The following GSX1 variants were observed in gnomAD, a reference collection of about 807,000 sequenced individuals.
GSX1 encodes GS homeobox 1, also known as GS homeo box protein 1.
In GSX1, 13 loss-of-function variants were observed where a neutral mutation model predicts 17.7. That is an observed-to-expected ratio of 0.74 (90% CI 0.48 to 1.17). The LOEUF (loss-of-function observed/expected upper bound fraction) is 1.17. Ranked by LOEUF, GSX1 falls within the 50% of genes most tolerant of loss-of-function variation. The pLI is 0.00. For synonymous variants in GSX1, 202 were observed against 176.2 expected (o/e 1.15, Z -1.16); for missense variants, 371 against 372.1 (o/e 1.00, Z 0.02).
In GSX1 at chr13:27,793,379, T is replaced by C. The variant is rs550480520; in HGVS notation, c.413-187T>C. 1.3e-5 allele frequency among the ~76,000 whole-genome samples: 2 copies of C among 152,188 alleles called. No individual in the cohort carries two copies. The highest frequency in any genetic ancestry group is 2.1e-4 in the South Asian group (1 of 4,818). ...AAGGGGAAGGGGTTCCAGGGCTGCA[T>C]GACTCCGGGAGAATCAGGATCTCGG... On this transcript the variant is annotated intron_variant, in intron 1 of 1. Transcript: ENST00000302945. The surrounding 1 kb of genome is among the most constrained non-coding windows in gnomAD (Gnocchi z 6.2).
At position 27,792,722 on chromosome 13, in the gene GSX1, T is replaced by C. The variant is rs1324282163; in HGVS notation, c.32T>C (p.Val11Ala). MPRSFLVDSLVLREAGEKKAP... is the reference protein window; with the variant it reads MPRSFLVDSLALREAGEKKAP... ...CGCTCCTTCCTGGTGGACTCGCTAG[T>C]GCTGCGCGAGGCGGGCGAGAAGAAG... The change falls in exon 1 of 2, where the codon GTG becomes GCG. Residue 11 changes from valine to alanine, a missense_variant. Physicochemically the swap from Val to Ala is moderately conservative, Grantham distance 64 (BLOSUM62 0). Transcript: ENST00000302945. 5 of 1,474,702 alleles carry C rather than the reference T, an allele frequency of 3.4e-6. No homozygotes were observed. The highest frequency in any genetic ancestry group is 2.9e-5 in the East Asian group (1 of 34,726). 91.4% of individuals were successfully genotyped at this position (1,474,702 alleles called of 1,614,324 possible).
At position 27,793,527 on chromosome 13, in the gene GSX1, G is replaced by C. The variant is rs1565998175; in HGVS notation, c.413-39G>C. The C allele has an allele frequency of 6.4e-7, 1 of 1,574,594 alleles. No homozygotes were observed. The highest frequency in any genetic ancestry group is 8.6e-7 in the Non-Finnish European group (1 of 1,163,824). On this transcript the variant is annotated intron_variant, in intron 1 of 1. Transcript: ENST00000302945. The surrounding 1 kb of genome is among the most constrained non-coding windows in gnomAD (Gnocchi z 6.2). ...ACCAAGGGATTGGGTCCACAGCACA[G>C]AGGTCTGATCGCTTCCTTCTCTGCT...
rs887309732 is a variant in GSX1, at chr13:27,794,016, G to A, written c.*68G>A. On this transcript the variant is annotated 3_prime_UTR_variant, in exon 2 of 2. Transcript: ENST00000302945. ...CCTCGGAGACTAGTCCTGGGACTCA[G>A]CGCTGATTCCCAGGCACCCGCAGCC... 6.7e-7 allele frequency: 1 copy of A among 1,483,438 alleles called. No homozygotes were observed. The highest frequency in any genetic ancestry group is 1.4e-5 in the South Asian group (1 of 73,732). 91.9% of individuals were successfully genotyped at this position (1,483,438 alleles called of 1,614,324 possible). A position where few individuals can be genotyped will look rare whatever the true frequency, so the allele number is the denominator to read the frequency against.
At position 27,792,752 on chromosome 13, in the gene GSX1, C is replaced by G; in HGVS notation, c.62C>G (p.Pro21Arg). 6.7e-7 allele frequency: 1 copy of G among 1,485,852 alleles called. No homozygotes were observed. The allele number at this position is 1,485,852 out of a possible 1,614,324, so 92.0% of individuals were successfully genotyped here. The change falls in exon 1 of 2, where the codon CCC becomes CGC. Residue 21 changes from proline to arginine, a missense_variant. Physicochemically the swap from Pro to Arg is moderately radical, Grantham distance 103. This residue lies in a region of GSX1 where 212 missense variants were observed against 193.9 expected (regional missense o/e 1.09). Transcript: ENST00000302945. ...CGCGAGGCGGGCGAGAAGAAGGCGC[C>G]CGAGGGCAGCCCGCCGCCGCTCTTC... is the stretch of plus-strand genomic sequence containing the variant. ...VLREAGEKKAPEGSPPPLFPY... is the reference protein window; with the variant it reads ...VLREAGEKKAREGSPPPLFPY...
rs1322771198 is a variant in GSX1, at chr13:27,793,857, C to T, written c.704C>T (p.Ser235Phe). Residue 235 changes from serine to phenylalanine, a missense_variant, in exon 2 of 2, where the codon TCC becomes TTC. Physicochemically the swap from Ser to Phe is radical, Grantham distance 155 (BLOSUM62 -2). Around this residue, in one of 3 missense-constraint regions of GSX1, gnomAD observed 92 missense variants for 70.0 expected, o/e 1.31. Transcript: ENST00000302945. The surrounding 1 kb of genome is among the most constrained non-coding windows in gnomAD (Gnocchi z 6.2). ...CAAGGCTGCAAGTGCGCATCGCTCT[C>T]CTCAGCCAAGTGCTCCGAGGATGAC... ...APQGCKCASL[S>F]SAKCSEDDDE... The T allele has an allele frequency of 6.2e-7, 1 of 1,608,352 alleles. No homozygotes were observed. Among genetic ancestry groups the T allele is most frequent in the Admixed American group, 1.7e-5 (1 of 59,716 alleles).
chr13:27,792,967 G>A lies in GSX1; in HGVS notation c.277G>A (p.Ala93Thr), dbSNP rs576086958. The change falls in exon 1 of 2, where the codon GCG becomes ACG. Residue 93 changes from alanine (A) to threonine (T), a missense_variant. Coordinates refer to ENST00000302945, the MANE Select transcript of GSX1 (RefSeq NM_145657.3). ...FPPFGSQYCH[A>T]PLGRQHSAVS... ...ACCCTTCGGCTCGCAGTACTGCCAC[G>A]CGCCCCTGGGCCGCCAGCACTCTGC... 6.5e-7 allele frequency: 1 copy of A among 1,547,550 alleles called. No individual in the cohort carries two copies. Among genetic ancestry groups the A allele is most frequent in the South Asian group, 1.2e-5 (1 of 85,196 alleles).
chr13:27,792,966 C>T lies in GSX1; in HGVS notation c.276C>T (p.His92=). The change falls in exon 1 of 2, where the codon CAC becomes CAT. Residue 92 remains histidine, a synonymous_variant. Transcript: ENST00000302945. ...SFPPFGSQYC[H]APLGRQHSAV... ...CACCCTTCGGCTCGCAGTACTGCCA[C>T]GCGCCCCTGGGCCGCCAGCACTCTG... 6.5e-7 allele frequency: 1 copy of T among 1,547,438 alleles called. No homozygotes were observed.
Position 27,792,538 on chromosome 13 carries a change from G to C in GSX1, c.-153G>C, listed in dbSNP as rs894167807. On this transcript the variant is annotated 5_prime_UTR_variant, in exon 1 of 2. Transcript: ENST00000302945. ...TTTGGGCGGTGCCCACGGCAGCAGA[G>C]GCTACTGTTTCAGCCTAGGTCTCAG... The C allele has an allele frequency of 1.6e-6, 1 of 641,578 alleles. No homozygotes were observed. The highest frequency in any genetic ancestry group is 2.3e-6 in the Non-Finnish European group (1 of 426,242). The allele number at this position is 641,578 out of a possible 1,614,324, so 39.7% of individuals were successfully genotyped here. A position where few individuals can be genotyped will look rare whatever the true frequency, so the allele number is the denominator to read the frequency against.
In GSX1 at chr13:27,792,600, G is replaced by A; in HGVS notation, c.-91G>A. On this transcript the variant is annotated 5_prime_UTR_variant, in exon 1 of 2. Coordinates refer to ENST00000302945, the MANE Select transcript of GSX1 (RefSeq NM_145657.3). ...GCCTCCTGGGCAGAGGCAGCTGCGG[G>A]ATACCGCGGCCAGGGAAAGCGCGTG... The A allele has an allele frequency of 9.0e-7, 1 of 1,113,750 alleles. No homozygotes were observed. The highest frequency in any genetic ancestry group is 3.3e-5 in the East Asian group (1 of 30,572). 69.0% of individuals were successfully genotyped at this position (1,113,750 alleles called of 1,614,324 possible).
Position 27,792,945 on chromosome 13 carries a change from C to T in GSX1, c.255C>T (p.Pro85=), listed in dbSNP as rs978043167. ...CTCTACTCAAGGCTTCCTTCCCACC[C>T]TTCGGCTCGCAGTACTGCCACGCGC... The part of the protein sequence containing the change: ...ALPLLKASFP[P]FGSQYCHAPL... The change falls in exon 1 of 2, where the codon CCC becomes CCT. Residue 85 remains proline (P), a synonymous_variant. Coordinates refer to ENST00000302945, the MANE Select transcript of GSX1 (RefSeq NM_145657.3). 6.5e-7 allele frequency: 1 copy of T among 1,537,476 alleles called. No homozygotes were observed. The highest frequency in any genetic ancestry group is 8.7e-7 in the Non-Finnish European group (1 of 1,146,968).
Position 27,794,277 on chromosome 13 carries a change from T to G in GSX1, c.*329T>G. ...CGCCTTGCTGGCAGCCGGCGCCTCC[T>G]AGCCCGCCCTCTCTGGGCTGGCTTG... On this transcript the variant is annotated 3_prime_UTR_variant, in exon 2 of 2. Transcript: ENST00000302945. The G allele has an allele frequency of 3.9e-6, 1 of 254,876 alleles. No homozygotes were observed. Among genetic ancestry groups the G allele is most frequent in the East Asian group, 7.4e-5 (1 of 13,468 alleles). The allele number at this position is 254,876 out of a possible 1,614,324, so 15.8% of individuals were successfully genotyped here.
rs536858525 is a variant in GSX1 at position 27,794,647 on chromosome 13, C to T, written c.*699C>T. On this transcript the variant is annotated 3_prime_UTR_variant, in exon 2 of 2. Transcript: ENST00000302945. ...ACAGATTTGCTCTGTTTCCAACACG[C>T]TCTTCCTTCCTCTAAACATAGGACC... The T allele has an allele frequency of 1.3e-5, 2 of 152,118 alleles. No homozygotes were observed. Among genetic ancestry groups the T allele is most frequent in the African/African-American group, 4.8e-5 (2 of 41,422 alleles). 9.4% of individuals were successfully genotyped at this position (152,118 alleles called of 1,614,324 possible). A position where few individuals can be genotyped will look rare whatever the true frequency, so the allele number is the denominator to read the frequency against.
chr13:27,794,267 C>G lies in GSX1; in HGVS notation c.*319C>G, dbSNP rs911179611. 7 of 277,980 alleles carry G rather than the reference C, an allele frequency of 2.5e-5. No homozygotes were observed. Among genetic ancestry groups the G allele is most frequent in the African/African-American group, 6.6e-5 (3 of 45,508 alleles). The allele number at this position is 277,980 out of a possible 1,614,324, so 17.2% of individuals were successfully genotyped here. On this transcript the variant is annotated 3_prime_UTR_variant, in exon 2 of 2. Transcript: ENST00000302945. ...CTTGGCGCAGCGCCTTGCTGGCAGC[C>G]GGCGCCTCCTAGCCCGCCCTCTCTG... is the stretch of plus-strand genomic sequence containing the variant.
At position 27,793,130 on chromosome 13, in the gene GSX1, CG is replaced by C; in HGVS notation, c.412+31del. 9 of 1,488,794 alleles carry C rather than the reference CG, an allele frequency of 6.0e-6. No homozygotes were observed. Among genetic ancestry groups the C allele is most frequent in the Non-Finnish European group, 7.1e-6 (8 of 1,125,872 alleles). The allele number at this position is 1,488,794 out of a possible 1,614,324, so 92.2% of individuals were successfully genotyped here. ...AAGCGGGGCCGCCGCGCAGAGGGACCGGGCAGAGGTGATCCGAAGCAGGATG... is the reference window on the plus strand; with the variant it reads ...AAGCGGGGCCGCCGCGCAGAGGGACCGGCAGAGGTGATCCGAAGCAGGATG... On this transcript the variant is annotated intron_variant, in intron 1 of 1. Transcript: ENST00000302945. This position sits in a 1 kb window ranked among gnomAD's most constrained non-coding sequence, Gnocchi z 6.2.
chr13:27,794,189 G>T lies in GSX1; in HGVS notation c.*241G>T. 1.9e-6 allele frequency: 1 copy of T among 513,980 alleles called. No individual in the cohort carries two copies. Among genetic ancestry groups the T allele is most frequent in the Non-Finnish European group, 3.4e-6 (1 of 293,676 alleles). The allele number at this position is 513,980 out of a possible 1,614,324, so 31.8% of individuals were successfully genotyped here. A position where few individuals can be genotyped will look rare whatever the true frequency, so the allele number is the denominator to read the frequency against. The stretch of plus-strand genomic sequence containing the variant: ...CAACTCCAAGCTGTGAACACTGTAA[G>T]CGCTCGAGTCCTCCTGGGCAGTGCA... On this transcript the variant is annotated 3_prime_UTR_variant, in exon 2 of 2. Coordinates refer to ENST00000302945, the MANE Select transcript of GSX1 (RefSeq NM_145657.3).
chr13:27,792,980 G>T lies in GSX1; in HGVS notation c.290G>T (p.Arg97Leu). 6.4e-7 allele frequency: 1 copy of T among 1,557,104 alleles called. No individual in the cohort carries two copies. Among genetic ancestry groups the T allele is most frequent in the Non-Finnish European group, 8.6e-7 (1 of 1,158,822 alleles). ...CAGTACTGCCACGCGCCCCTGGGCC[G>T]CCAGCACTCTGCTGTGTCGCCCGGG... ...GSQYCHAPLG[R>L]QHSAVSPGVA... The change falls in exon 1 of 2, where the codon CGC (arginine) becomes CTC (leucine). Residue 97 changes from arginine (R) to leucine (L), a missense_variant. Arg to Leu is a moderately radical substitution (Grantham distance 102). This residue lies in a region of GSX1 where 212 missense variants were observed against 193.9 expected (regional missense o/e 1.09). Transcript: ENST00000302945.
Position 27,792,658 on chromosome 13 carries a change from G to T in GSX1, c.-33G>T. 7.4e-7 allele frequency: 1 copy of T among 1,347,536 alleles called. No homozygotes were observed. The highest frequency in any genetic ancestry group is 3.1e-5 in the East Asian group (1 of 32,084). 83.5% of individuals were successfully genotyped at this position (1,347,536 alleles called of 1,614,324 possible). On this transcript the variant is annotated 5_prime_UTR_variant, in exon 1 of 2. Transcript: ENST00000302945. ...GAAAGGTGCGGTGGGCGCAGAGGGC[G>T]GGCTGGCTGCGGGGCGACCGCGCGC...
In GSX1 at chr13:27,792,804, G is replaced by A. The variant is rs571843674; in HGVS notation, c.114G>A (p.Ala38=). Residue 38 remains alanine, a synonymous_variant, in exon 1 of 2, where the codon GCG becomes GCA. Transcript: ENST00000302945. ...CCTACGCTGTGCCCCCGCCGCACGC[G>A]CTGCACGGTCTCTCGCCTGGCGCCT... ...LFPYAVPPPH[A]LHGLSPGACH... is the part of the protein sequence containing the mutation. The A allele has an allele frequency of 4.1e-5, 62 of 1,504,330 alleles. 1 individual carries two copies. The East Asian group carries it at 9.2e-4, about 22-fold the overall frequency. The allele number at this position is 1,504,330 out of a possible 1,614,324, so 93.2% of individuals were successfully genotyped here.
chr13:27,793,344 G>C lies in GSX1; in HGVS notation c.413-222G>C, dbSNP rs1335430454. ...GGGTAAGTGAGGGCTGGGATCCAAG[G>C]CTCTCCATGAAGGGGAAGGGGTTCC... is the stretch of plus-strand genomic sequence containing the variant. On this transcript the variant is annotated intron_variant, in intron 1 of 1. Coordinates refer to ENST00000302945, the MANE Select transcript of GSX1 (RefSeq NM_145657.3). This position sits in a 1 kb window ranked among gnomAD's most constrained non-coding sequence, Gnocchi z 6.2. Among the ~76,000 whole-genome samples, 1 of 152,144 alleles carries C rather than the reference G, an allele frequency of 6.6e-6. No homozygotes were observed. The highest frequency in any genetic ancestry group is 1.5e-5 in the Non-Finnish European group (1 of 68,022).
Sources: gnomAD v4.1 joint callset for allele counts (sites outside exome capture counted in the v4.1 genomes callset) on GRCh38, gnomAD v4.1.1 for gene constraint, gnomAD v4.1.1 regional missense constraint, Gnocchi (gnomAD v3.1) non-coding constraint, MANE v1.5 for transcripts, NCBI Gene and HGNC (gene_info 2026-07-23, HGNC 2026-07-21) for gene names.